PRKCA: variants seen among roughly 807,000 people sequenced by gnomAD.
The protein encoded by PRKCA is protein kinase C alpha.
In PRKCA, 27 loss-of-function variants were observed where a neutral mutation model predicts 87.0. That is an observed-to-expected ratio of 0.31 (90% CI 0.23 to 0.43). PRKCA has a LOEUF of 0.43. PRKCA is among the 20% of genes least tolerant of loss of function. The probability of loss-of-function intolerance (pLI) is 1.00; values close to 1 mark genes in which losing one functional copy is unlikely to be tolerated. For synonymous variants in PRKCA, 329 were observed against 311.1 expected (o/e 1.06, Z -0.61); for missense variants, 518 against 852.3 (o/e 0.61, Z 4.88).
chr17:66,312,973 A>G (rs950862948), intron 2 of PRKCA, among the ~76,000 whole-genome samples: 1 of 152,040 alleles, frequency 6.6e-6, no homozygotes, highest in African/African-American at 2.4e-5. Context: ...TCCTGACCTC[A>G]AGTGATCTGC....
chr17:66,380,755 T>TG (rs1411106486), intron 2 of PRKCA, among the ~76,000 whole-genome samples: 2 of 152,278 alleles, frequency 1.3e-5, no homozygotes, highest in East Asian at 3.9e-4. Flanking sequence ...ATTGTAGAAC[T>TG]GGGTAGCAGA....
intron 8 of PRKCA, among the ~76,000 whole-genome samples, chr17:66,717,045 C>G (rs376502905): frequency 6.6e-6 from 1 of 152,188 alleles, no homozygotes; most frequent in African/African-American, 2.4e-5. Context: ...GTGGAAGAGC[C>G]TGAATAGTGA....
At position 66,495,534 on chromosome 17, in the gene PRKCA, T is replaced by TTTATTTTA. The variant is rs1899340817; in HGVS notation, c.206-664_206-657dup. On this transcript the variant is annotated intron_variant, in intron 2 of 16. Transcript: ENST00000413366. ...TATAGGATGGTGCAAAGTATTTTATTTTATTTTATTTTATTTTATTTTATT... is the reference window on the plus strand; with the variant it reads ...TATAGGATGGTGCAAAGTATTTTATTTTATTTTATTATTTTATTTTATTTTATTTTATT... Among the ~76,000 whole-genome samples, 13 of 148,516 alleles carry TTTATTTTA rather than the reference T, an allele frequency of 8.8e-5. 1 individual carries two copies. In the South Asian group the frequency reaches 2.8e-3, roughly 32 times the overall value.
At chr17:66,596,565 T>G (rs1969982965) in intron 3 of PRKCA, among the ~76,000 whole-genome samples, 1 of 136,708 alleles carries the variant, frequency 7.3e-6, no homozygotes, top group Non-Finnish European at 1.5e-5. Flanking sequence ...TGAAAAAATA[T>G]TAAACCTTTT....
At chr17:66,368,999 C>T (rs541616001) in intron 2 of PRKCA, among the ~76,000 whole-genome samples, 1 of 152,292 alleles carries the variant, frequency 6.6e-6, no homozygotes, top group South Asian at 2.1e-4. Context: ...GCTTTCTTCT[C>T]AAGCATCTCA....
intron 3 of PRKCA, among the ~76,000 whole-genome samples, chr17:66,614,980 G>C (rs562694929): frequency 6.6e-6 from 1 of 152,076 alleles, no homozygotes; most frequent in Non-Finnish European, 1.5e-5. Context: ...GTGGGCCAGG[G>C]CTTCAGAGCA....
At position 66,632,796 on chromosome 17, in the gene PRKCA, A is replaced by G. The variant is rs185968318; in HGVS notation, c.289-8559A>G. Among the ~76,000 whole-genome samples the G allele has an allele frequency of 1.1e-4, 16 of 152,328 alleles. No individual in the cohort carries two copies. The East Asian group carries it at 3.1e-3, about 29-fold the overall frequency. On this transcript the variant is annotated intron_variant, in intron 3 of 16. Transcript: ENST00000413366. ...GAGTATTCCATAGTATAAATATATT[A>G]CAGTTTATTTAGCCATTGCCTTGCT... is the stretch of plus-strand genomic sequence containing the variant.
At chr17:66,673,621 C>T (rs1292813056) in intron 5 of PRKCA, among the ~76,000 whole-genome samples, 9 of 152,130 alleles carry the variant, frequency 5.9e-5, no homozygotes, top group South Asian at 4.2e-4. Flanking sequence ...TAAACACAGA[C>T]GGTGTCAGCA....
chr17:66,319,008 G>A (rs1262298094), intron 2 of PRKCA, among the ~76,000 whole-genome samples: 1 of 151,928 alleles, frequency 6.6e-6, no homozygotes, highest in African/African-American at 2.4e-5. Flanking sequence ...ATTTTTATTA[G>A]CCTATAGTCC....
intron 16 of PRKCA, chr17:66,796,397 A>G (rs746881235): frequency 1.1e-4 from 106 of 978,122 alleles, no homozygotes; most frequent in Non-Finnish European, 3.4e-5. Flanking sequence ...TTGCAAGGCC[A>G]GGAACTGACT....
intron 3 of PRKCA, among the ~76,000 whole-genome samples, chr17:66,564,287 C>T (rs1968820203): frequency 6.6e-6 from 1 of 152,178 alleles, no homozygotes; most frequent in African/African-American, 2.4e-5. Flanking sequence ...CCATGTTGGT[C>T]AGGCTGGTCT....
intron 2 of PRKCA, among the ~76,000 whole-genome samples, chr17:66,337,057 C>G (rs113351091): frequency 6.6e-6 from 1 of 152,160 alleles, no homozygotes; most frequent in Non-Finnish European, 1.5e-5. Context: ...TCCCAAAGTG[C>G]TGGGATTACA....
chr17:66,405,276 G>A (rs1038356384), intron 2 of PRKCA, among the ~76,000 whole-genome samples: 2 of 152,208 alleles, frequency 1.3e-5, no homozygotes, highest in Non-Finnish European at 2.9e-5. Flanking sequence ...TGAACCTGCT[G>A]TCCCTGAAGT....
intron 3 of PRKCA, among the ~76,000 whole-genome samples, chr17:66,549,434 A>G (rs1013788275): frequency 1.3e-5 from 2 of 152,184 alleles, no homozygotes; most frequent in African/African-American, 4.8e-5. Flanking sequence ...CCATGCAATA[A>G]TAAGAATCAC....
chr17:66,432,829 C>A (rs1269318627), intron 2 of PRKCA, among the ~76,000 whole-genome samples: 1 of 152,120 alleles, frequency 6.6e-6, no homozygotes, highest in Non-Finnish European at 1.5e-5. Flanking sequence ...CCCAAAACCC[C>A]CACCTTTGCA....
At position 66,806,448 on chromosome 17, in the gene PRKCA, A is replaced by G. The variant is rs1036370455; in HGVS notation, c.*2411A>G. 2.6e-5 allele frequency: 4 copies of G among 152,306 alleles called. No homozygotes were observed. The highest frequency in any genetic ancestry group is 5.9e-5 in the Non-Finnish European group (4 of 68,144). 9.4% of individuals were successfully genotyped at this position (152,306 alleles called of 1,614,324 possible). On this transcript the variant is annotated 3_prime_UTR_variant, in exon 17 of 17. Transcript: ENST00000413366. The stretch of plus-strand genomic sequence containing the variant: ...TCCCTGCAGCCCTGCAGGTCAGTGC[A>G]TGATCTGGGTTCGTGTCCTGACCAG...
At chr17:66,757,950 C>T (rs1353069681) in intron 13 of PRKCA, among the ~76,000 whole-genome samples, 1 of 152,208 alleles carries the variant, frequency 6.6e-6, no homozygotes, top group East Asian at 1.9e-4. Context: ...TGGTCTCGAT[C>T]TCCTGACCTC....
chr17:66,790,816 G>A (rs1975516101), intron 16 of PRKCA, among the ~76,000 whole-genome samples: 1 of 151,862 alleles, frequency 6.6e-6, no homozygotes, highest in African/African-American at 2.4e-5. Context: ...TGGATACTCG[G>A]CCCTAAGCTC....
At position 66,807,693 on chromosome 17, in the gene PRKCA, GT is replaced by G. The variant is rs1976062587; in HGVS notation, c.*3658del. The G allele has an allele frequency of 6.6e-6, 1 of 152,184 alleles. No homozygotes were observed. Among genetic ancestry groups the G allele is most frequent in the African/African-American group, 2.4e-5 (1 of 41,418 alleles). The allele number at this position is 152,184 out of a possible 1,614,324, so 9.4% of individuals were successfully genotyped here. ...TGGAAGCCTGGCCGGAAAGACCAAG[GT>G]TCATGCAGCCCAACAAATGATTGTT... On this transcript the variant is annotated 3_prime_UTR_variant, in exon 17 of 17. Transcript: ENST00000413366. This position sits in a 1 kb window ranked among gnomAD's most constrained non-coding sequence, Gnocchi z 4.3.
Sources: gnomAD v4.1 joint callset for allele counts (sites outside exome capture counted in the v4.1 genomes callset) on GRCh38, gnomAD v4.1.1 for gene constraint, Gnocchi (gnomAD v3.1) non-coding constraint, MANE v1.5 for transcripts, NCBI Gene and HGNC (gene_info 2026-07-23, HGNC 2026-07-21) for gene names.